Variants in TEX14 observed in about 807,000 individuals in gnomAD.
The protein encoded by TEX14 is testis expressed 14, intercellular bridge forming factor.
In TEX14, 168 loss-of-function variants were observed where a neutral mutation model predicts 178.6. That is an observed-to-expected ratio of 0.94 (90% CI 0.83 to 1.07). The LOEUF is 1.07. Among genes scored for constraint, TEX14 ranks in the 50% least tolerant of loss-of-function variants. TEX14 has a pLI of 0.00. For synonymous variants in TEX14, 626 were observed against 634.1 expected (o/e 0.99, Z 0.19); for missense variants, 1,730 against 1,753.6 (o/e 0.99, Z 0.24).
In TEX14 at chr17:58,630,623, G is replaced by A. The variant is rs1043212780; in HGVS notation, c.137-69C>T. 1.2e-5 allele frequency: 13 copies of A among 1,041,550 alleles called. No homozygotes were observed. The African/African-American group carries it at 1.7e-4, about 14-fold the overall frequency. The allele number at this position is 1,041,550 out of a possible 1,614,324, so 64.5% of individuals were successfully genotyped here. Reference sequence around the variant, plus strand: ...CCTGAGAAGGAACTGGGTAGGGGGTGGGGGAATTACATATTTTTATAGTGT... The same window carrying A: ...CCTGAGAAGGAACTGGGTAGGGGGTAGGGGAATTACATATTTTTATAGTGT... On this transcript the variant is annotated intron_variant, in intron 2 of 31. Transcript: ENST00000349033.
At position 58,662,415 on chromosome 17, in the gene TEX14, TCACACACACACA is replaced by T. The variant is rs200980242; in HGVS notation, c.-1-10425_-1-10414del. ...TGTACAGATATATAGCACACATATC[TCACACACACACA>T]CACACACACACACACACACACACAC... On this transcript the variant is annotated intron_variant, in intron 1 of 31. Transcript: ENST00000349033. 6.0e-4 allele frequency among the ~76,000 whole-genome samples: 69 copies of T among 114,992 alleles called. 2 individuals are homozygous for T. In the South Asian group the frequency reaches 0.014, roughly 24 times the overall value. 75.4% of individuals were successfully genotyped at this position (114,992 alleles called of 152,430 possible).
At chr17:58,680,696 G>A (rs547326235) in intron 1 of TEX14, among the ~76,000 whole-genome samples, 98 of 152,052 alleles carry the variant, frequency 6.4e-4, no homozygotes, top group African/African-American at 2.2e-3. Context: ...AGATCACGCC[G>A]CTGCACTCTA....
chr17:58,556,982 C>T lies in TEX14; in HGVS notation c.*29G>A. 6.2e-7 allele frequency: 1 copy of T among 1,601,310 alleles called. No individual in the cohort carries two copies. Among genetic ancestry groups the T allele is most frequent in the Non-Finnish European group, 8.6e-7 (1 of 1,168,334 alleles). On this transcript the variant is annotated 3_prime_UTR_variant, in exon 32 of 32. Transcript: ENST00000349033. The stretch of plus-strand genomic sequence containing the variant: ...TACAACCAGGACACTCAAACTCAGG[C>T]CAGGAGTCCGTCTATGATCCAATTC...
At chr17:58,628,536 C>A (rs932007928) in intron 3 of TEX14, among the ~76,000 whole-genome samples, 1 of 152,144 alleles carries the variant, frequency 6.6e-6, no homozygotes, top group Non-Finnish European at 1.5e-5. Context: ...CACGGTGAAA[C>A]CCCATCTCTA....
At chr17:58,630,643 TAGTGTAC>T in intron 2 of TEX14, 89 bp from the exon 3 acceptor site, 2 of 850,676 alleles carry the variant, frequency 2.4e-6, no homozygotes. Flanking sequence ...CATATTTTTA[TAGTGTAC>T]TTTCATATAT....
chr17:58,599,943 G>T (rs948093700), intron 13 of TEX14, among the ~76,000 whole-genome samples: 1 of 152,108 alleles, frequency 6.6e-6, no homozygotes, highest in Non-Finnish European at 1.5e-5. Flanking sequence ...AAGCTTTATT[G>T]TGTGTCCAAA....
intron 30 of TEX14, among the ~76,000 whole-genome samples, chr17:58,558,851 T>C (rs1415741694): frequency 6.6e-6 from 1 of 152,150 alleles, no homozygotes; most frequent in Non-Finnish European, 1.5e-5. Context: ...AATTTAAAAC[T>C]CTTTGGAAGA....
rs2044147031 is a variant in TEX14, at chr17:58,556,927, C to A, written c.*84G>T. The A allele has an allele frequency of 4.5e-6, 5 of 1,116,182 alleles. No homozygotes were observed. The South Asian group carries it at 6.2e-5, about 14-fold the overall frequency. 69.1% of individuals were successfully genotyped at this position (1,116,182 alleles called of 1,614,324 possible). On this transcript the variant is annotated 3_prime_UTR_variant, in exon 32 of 32. Coordinates refer to ENST00000349033, the MANE Select transcript of TEX14 (RefSeq NM_031272.5). ...AGAACTGGAACTGCTGCCCTGACAGCAACTGAAGCAGAAAGAGAAGAAAGG... is the reference window on the plus strand; with the variant it reads ...AGAACTGGAACTGCTGCCCTGACAGAAACTGAAGCAGAAAGAGAAGAAAGG...
chr17:58,629,260 C>T (rs2046222353), intron 3 of TEX14, among the ~76,000 whole-genome samples: 1 of 151,544 alleles, frequency 6.6e-6, no homozygotes. Context: ...CGAGACCAGC[C>T]TGGCCAACAT....
rs905023962 is a variant in TEX14 at position 58,666,482 on chromosome 17, A to T, written c.-1-14480T>A. 311 of 150,094 alleles carry T rather than the reference A, an allele frequency of 2.1e-3. 9 individuals carry two copies. The highest frequency in any genetic ancestry group is 7.3e-3 in the African/African-American group (299 of 40,850). The allele number at this position is 150,094 out of a possible 1,614,324, so 9.3% of individuals were successfully genotyped here. ...GCAAAAAAAAAAAAAAAAAAAAAAA[A>T]AAAAAGCAAAAGCTAATACACAACT... is the stretch of plus-strand genomic sequence containing the variant. On this transcript the variant is annotated intron_variant, in intron 1 of 31. Transcript: ENST00000349033.
chr17:58,612,770 T>C (rs546032848), intron 9 of TEX14, among the ~76,000 whole-genome samples: 5 of 147,982 alleles, frequency 3.4e-5, no homozygotes, highest in African/African-American at 1.2e-4. Context: ...TAGCTGGGCA[T>C]GGTGGCATGC....
chr17:58,670,754 CAG>C (rs1322961019), intron 1 of TEX14, among the ~76,000 whole-genome samples: 2 of 105,090 alleles, frequency 1.9e-5, no homozygotes, highest in Non-Finnish European at 3.4e-5. Flanking sequence ...GCCTGGGCGA[CAG>C]AGTGAGACTC....
intron 2 of TEX14, 83 bp from the exon 3 acceptor site, chr17:58,630,637 T>C (rs1005801447): frequency 1.4e-5 from 13 of 901,958 alleles, no homozygotes; most frequent in Non-Finnish European, 2.3e-5. Flanking sequence ...GAATTACATA[T>C]TTTTATAGTG....
chr17:58,691,122 C>G (rs534842665), intron 1 of TEX14, among the ~76,000 whole-genome samples: 1 of 151,994 alleles, frequency 6.6e-6, no homozygotes, highest in Non-Finnish European at 1.5e-5. Context: ...TCCCAAAGTG[C>G]TGGGATTACA....
At position 58,586,074 on chromosome 17, in the gene TEX14, T is replaced by A; in HGVS notation, c.2797A>T (p.Lys933Ter). The A allele has an allele frequency of 6.2e-7, 1 of 1,612,536 alleles. No homozygotes were observed. Among genetic ancestry groups the A allele is most frequent in the Non-Finnish European group, 8.5e-7 (1 of 1,178,776 alleles). The change falls in exon 18 of 32, where the codon AAA becomes TAA. Residue 933 changes from lysine (K) to a stop codon, truncating the protein, a stop_gained. Coordinates refer to ENST00000349033, the MANE Select transcript of TEX14 (RefSeq NM_031272.5). LOFTEE classifies it high-confidence loss of function. ...GTAGCTGCTTTCTTTGCCATTTCTT[T>A]CACCTCCACTGTGCATAAGAGAAAG... Reference protein sequence around the residue: ...KVHLKWKMEVKEMAKKAATGQ... With the variant: ...KVHLKWKMEV
In TEX14 at chr17:58,621,645, C is replaced by A. The variant is rs1399115729; in HGVS notation, c.554+5G>T. On this transcript the variant is annotated splice_donor_5th_base_variant and intron_variant, in intron 5 of 31. Transcript: ENST00000349033. ...CTATCCCACTCTGCTCAAGGCAGTA[C>A]TCACCCCTGCACGAGGCCCCCACAC... 3 of 1,612,138 alleles carry A rather than the reference C, an allele frequency of 1.9e-6. No homozygotes were observed. The highest frequency in any genetic ancestry group is 2.5e-6 in the Non-Finnish European group (3 of 1,179,096).
rs34960869 is a variant in TEX14, at chr17:58,602,543, C to A, written c.1384G>T (p.Val462Leu). The change falls in exon 12 of 32, where the codon GTA becomes TTA. Residue 462 changes from valine (V) to leucine (L), a missense_variant. Transcript: ENST00000349033. ...GCTTCTAAATAATTCCCCGAGACTA[C>A]GGCTTTTTTAACAACTGAGCCATCT... ...GLDGSVVKKA[V>L]VSGNYLEADV... The A allele has an allele frequency of 2.0e-4, 322 of 1,613,934 alleles. 1 individual carries two copies. The East Asian group carries it at 6.6e-3, about 33-fold the overall frequency.
rs769778630 is a variant in TEX14, at chr17:58,623,015, G to C, written c.252-3C>G. ...GGGTGCTCCCATCAAAGCAGCGGCT[G>C]GGGAGGGAGATGAGTACAATTGATG... On this transcript the variant is annotated splice_polypyrimidine_tract_variant and splice_region_variant and intron_variant, in intron 3 of 31. Transcript: ENST00000349033. The C allele has an allele frequency of 5.0e-6, 8 of 1,587,916 alleles. No individual in the cohort carries two copies. Among genetic ancestry groups the C allele is most frequent in the Non-Finnish European group, 6.9e-6 (8 of 1,158,468 alleles).
At chr17:58,670,741 C>A (rs532730369) in intron 1 of TEX14, among the ~76,000 whole-genome samples, 1 of 133,118 alleles carries the variant, frequency 7.5e-6, no homozygotes, top group East Asian at 2.3e-4. Flanking sequence ...CCACTACACT[C>A]CAGCCTGGGC....
Sources: gnomAD v4.1 joint callset for allele counts (sites outside exome capture counted in the v4.1 genomes callset) on GRCh38, gnomAD v4.1.1 for gene constraint, MANE v1.5 for transcripts, NCBI Gene and HGNC (gene_info 2026-07-23, HGNC 2026-07-21) for gene names.